HIVEP2: variants seen among roughly 807,000 people sequenced by gnomAD.
HIVEP2 encodes HIVEP zinc finger 2.
A neutral mutation model predicts 180.7 loss-of-function variants in HIVEP2; 14 were observed. The observed-to-expected ratio is 0.08, with a 90% CI of 0.05 to 0.12. The LOEUF (loss-of-function observed/expected upper bound fraction) is 0.12. Ranked by LOEUF, HIVEP2 falls within the 10% of genes least tolerant of loss-of-function variation. The pLI, the probability that HIVEP2 is intolerant of heterozygous loss-of-function variation, is 1.00. For synonymous variants in HIVEP2, 1,184 were observed against 1,136.4 expected, an observed-to-expected ratio of 1.04 and a Z score of -0.84; for missense variants, 2,579 against 3,008.5, an observed-to-expected ratio of 0.86 and a Z score of 3.34.
At chr6:142,767,834 A>T (rs996574043) in intron 6 of HIVEP2, among the ~76,000 whole-genome samples, 1 of 152,248 alleles carries the variant, frequency 6.6e-6, no homozygotes, top group African/African-American at 2.4e-5. Flanking sequence ...ACACCAGAGA[A>T]GACTGAAAAG....
intron 7 of HIVEP2, among the ~76,000 whole-genome samples, chr6:142,761,915 G>T (rs1221794193): frequency 6.6e-6 from 1 of 152,086 alleles, no homozygotes; most frequent in Non-Finnish European, 1.5e-5. Context: ...CCAGCCTCCT[G>T]GGACTCCACA....
chr6:142,879,213 C>T (rs554937187), intron 1 of HIVEP2, among the ~76,000 whole-genome samples: 1 of 152,014 alleles, frequency 6.6e-6, no homozygotes, highest in African/African-American at 2.4e-5. Context: ...ACCTATTAAA[C>T]GTGATGTTTT....
intron 1 of HIVEP2, among the ~76,000 whole-genome samples, chr6:142,926,459 GGTGGCA>G (rs1777812744): frequency 6.6e-6 from 1 of 152,212 alleles, no homozygotes; most frequent in Non-Finnish European, 1.5e-5. Context: ...AAAGTAAAAA[GGTGGCA>G]GTTAGAGGGA....
At chr6:142,802,191 C>T (rs940369783) in intron 2 of HIVEP2, among the ~76,000 whole-genome samples, 1 of 152,148 alleles carries the variant, frequency 6.6e-6, no homozygotes, top group Non-Finnish European at 1.5e-5. Context: ...ATGGCTTCAC[C>T]ATCTGCAACA....
intron 7 of HIVEP2, among the ~76,000 whole-genome samples, chr6:142,762,697 TC>T (rs368339790): frequency 6.6e-6 from 1 of 152,336 alleles, no homozygotes; most frequent in African/African-American, 2.4e-5. Flanking sequence ...CACAGTTTAT[TC>T]CTCTGGTAGG....
intron 2 of HIVEP2, among the ~76,000 whole-genome samples, chr6:142,812,657 C>T (rs183754649): frequency 8.5e-5 from 13 of 152,060 alleles, no homozygotes; most frequent in Admixed American, 2.6e-4. Context: ...TGATCAGAAC[C>T]GACCCAGATG....
At chr6:142,817,231 G>T (rs913077349) in intron 2 of HIVEP2, among the ~76,000 whole-genome samples, 2 of 152,164 alleles carry the variant, frequency 1.3e-5, no homozygotes, top group Non-Finnish European at 2.9e-5. Flanking sequence ...TAATTAACCT[G>T]ACTGAAAGCT....
At chr6:142,876,252 T>C (rs570224112) in intron 1 of HIVEP2, among the ~76,000 whole-genome samples, 29 of 152,244 alleles carry the variant, frequency 1.9e-4, no homozygotes, top group African/African-American at 6.7e-4. Flanking sequence ...TTGAGGAGTT[T>C]TGGTGAACAG....
chr6:142,839,700 C>G (rs575440031), intron 1 of HIVEP2, among the ~76,000 whole-genome samples: 1 of 152,232 alleles, frequency 6.6e-6, no homozygotes, highest in South Asian at 2.1e-4. Flanking sequence ...CATACTGTTG[C>G]AATACTGATC....
At chr6:142,881,530 T>C (rs1240133645) in intron 1 of HIVEP2, among the ~76,000 whole-genome samples, 1 of 152,188 alleles carries the variant, frequency 6.6e-6, no homozygotes, top group Non-Finnish European at 1.5e-5. Context: ...GATAGTGTCA[T>C]CTAACTTTAG....
chr6:142,761,196 G>A (rs1775226601), intron 8 of HIVEP2, among the ~76,000 whole-genome samples: 1 of 152,150 alleles, frequency 6.6e-6, no homozygotes, highest in African/African-American at 2.4e-5. Flanking sequence ...CACAAAGCAA[G>A]TGCAATTCTA....
At chr6:142,817,772 G>A (rs758463108) in intron 2 of HIVEP2, among the ~76,000 whole-genome samples, 5 of 152,180 alleles carry the variant, frequency 3.3e-5, no homozygotes, top group South Asian at 2.1e-4. Flanking sequence ...AATTCCCAAC[G>A]CTTTGGGAGG....
At chr6:142,897,324 C>T (rs140097539) in intron 1 of HIVEP2, among the ~76,000 whole-genome samples, 5 of 152,240 alleles carry the variant, frequency 3.3e-5, no homozygotes, top group Admixed American at 6.5e-5. Context: ...AAAAGGCACG[C>T]GGTAATAACT....
chr6:142,859,023 C>T (rs1775901249), intron 1 of HIVEP2, among the ~76,000 whole-genome samples: 1 of 152,136 alleles, frequency 6.6e-6, no homozygotes, highest in East Asian at 1.9e-4. Flanking sequence ...ACACCTGGCA[C>T]ATAACAAGTG....
rs9376709 is a variant in HIVEP2 at position 142,856,310 on chromosome 6, A to G, written c.-640-19263T>C. ...CATTCCCAGAGAAAAAAGTGAAAAG[A>G]ATCTCCTTTGACTTGCTTGGGTCAC... On this transcript the variant is annotated intron_variant, in intron 1 of 9. Coordinates refer to ENST00000367603, the MANE Select transcript of HIVEP2 (RefSeq NM_006734.4). Among the ~76,000 whole-genome samples the G allele has an allele frequency of 2.3e-4, 35 of 152,250 alleles. 1 individual carries two copies. The East Asian group carries it at 4.4e-3, about 19-fold the overall frequency.
At chr6:142,782,969 G>C (rs1156235594) in intron 3 of HIVEP2, among the ~76,000 whole-genome samples, 2 of 152,112 alleles carry the variant, frequency 1.3e-5, no homozygotes, top group South Asian at 2.1e-4. Flanking sequence ...ACTAAGTAGA[G>C]TCTAACATGA....
At chr6:142,924,799 A>G (rs951593256) in intron 1 of HIVEP2, among the ~76,000 whole-genome samples, 1 of 152,136 alleles carries the variant, frequency 6.6e-6, no homozygotes, top group African/African-American at 2.4e-5. Context: ...GACTTTTCAC[A>G]CTCCATTTTT....
chr6:142,908,854 CAAAAAAAA>C (rs11443809), intron 1 of HIVEP2, among the ~76,000 whole-genome samples: 2 of 87,882 alleles, frequency 2.3e-5, no homozygotes, highest in African/African-American at 4.6e-5. Context: ...TACCACCTCT[CAAAAAAAA>C]AAAAAAAAAA....
intron 1 of HIVEP2, among the ~76,000 whole-genome samples, chr6:142,882,221 G>A (rs1776589086): frequency 6.6e-6 from 1 of 152,182 alleles, no homozygotes; most frequent in South Asian, 2.1e-4. Flanking sequence ...TGACTACAGT[G>A]AAGTATGAAA....
Sources: gnomAD v4.1 joint callset for allele counts (sites outside exome capture counted in the v4.1 genomes callset) on GRCh38, gnomAD v4.1.1 for gene constraint, MANE v1.5 for transcripts, NCBI Gene and HGNC (gene_info 2026-07-23, HGNC 2026-07-21) for gene names.